OSBPL3: variants seen among roughly 807,000 people sequenced by gnomAD.
OSBPL3 encodes oxysterol binding protein like 3.
OSBPL3 carries 65 observed loss-of-function variants against 120.1 expected under a neutral mutation model. That is an observed-to-expected ratio of 0.54 (90% CI 0.44 to 0.67). The LOEUF is 0.67. OSBPL3 is among the 30% of genes least tolerant of loss of function. The probability of loss-of-function intolerance (pLI) is 0.00; values close to 1 mark genes in which losing one functional copy is unlikely to be tolerated. For synonymous variants in OSBPL3, 416 were observed against 402.6 expected (o/e 1.03, Z -0.40); for missense variants, 1,004 against 1,082.1 (o/e 0.93, Z 1.01).
chr7:24,919,558 C>T (rs932804632), intron 1 of OSBPL3, among the ~76,000 whole-genome samples: 1 of 151,988 alleles, frequency 6.6e-6, no homozygotes, highest in African/African-American at 2.4e-5. Context: ...CTATAAAACT[C>T]TTAGAAGAAA....
At position 24,861,623 on chromosome 7, in the gene OSBPL3, AAT is replaced by A; in HGVS notation, c.1015_1016del (p.Ile339CysfsTer3). 1.3e-6 allele frequency: 2 copies of A among 1,592,304 alleles called. No homozygotes were observed. The highest frequency in any genetic ancestry group is 1.7e-6 in the Non-Finnish European group (2 of 1,171,860). ...AGAAAACTCATTTACCTTTATGGGC[AAT>A]ATGACACAGATCTTCTTGCATTTTA... ...FSKMQEDLCH[I>X]AHKVYFTLRS... On this transcript the variant is annotated frameshift_variant, in exon 10 of 23. Transcript: ENST00000313367. LOFTEE classifies it high-confidence loss of function.
Position 24,873,750 on chromosome 7 carries a change from A to C in OSBPL3, c.97-1681T>G, listed in dbSNP as rs1802483398. ...TATTACTTAAAAACACCAAAAAAAA[A>C]AACTTACTTGAATTTATTTTAGCTC... On this transcript the variant is annotated intron_variant, in intron 2 of 22. Coordinates refer to ENST00000313367, the MANE Select transcript of OSBPL3 (RefSeq NM_015550.4). This position sits in a 1 kb window ranked among gnomAD's most constrained non-coding sequence, Gnocchi z 4.1. Among the ~76,000 whole-genome samples, 1 of 152,236 alleles carries C rather than the reference A, an allele frequency of 6.6e-6. No individual in the cohort carries two copies. Among genetic ancestry groups the C allele is most frequent in the Non-Finnish European group, 1.5e-5 (1 of 68,040 alleles).
chr7:24,897,384 G>A (rs1806319971), intron 1 of OSBPL3, among the ~76,000 whole-genome samples: 1 of 143,736 alleles, frequency 7.0e-6, no homozygotes, highest in Admixed American at 7.0e-5. Flanking sequence ...GGAGTGCAGT[G>A]GCGCGATCTC....
At position 24,804,444 on chromosome 7, in the gene OSBPL3, C is replaced by T; in HGVS notation, c.2445-7G>A. On this transcript the variant is annotated splice_polypyrimidine_tract_variant and splice_region_variant and intron_variant, in intron 21 of 22. Transcript: ENST00000313367. This position sits in a 1 kb window ranked among gnomAD's most constrained non-coding sequence, Gnocchi z 5.4. The stretch of plus-strand genomic sequence containing the variant: ...GTTCCCTTCCTCTAGAAACCTGAGG[C>T]ATCGAGGAAAAAAAAATGAAAGGAT... The T allele has an allele frequency of 2.5e-6, 4 of 1,605,054 alleles. No homozygotes were observed. Among genetic ancestry groups the T allele is most frequent in the East Asian group, 2.2e-5 (1 of 44,808 alleles).
rs1584737510 is a variant in OSBPL3, at chr7:24,959,720, A to G, written c.-150+20166T>C. On this transcript the variant is annotated intron_variant, in intron 1 of 22. Transcript: ENST00000313367. The surrounding 1 kb of genome is among the most constrained non-coding windows in gnomAD (Gnocchi z 4.3). ...GTTCCTAAAATAAATCAATAGGTGA[A>G]ACTTCCAAAAGAAAATATATTCCTT... 6.6e-6 allele frequency among the ~76,000 whole-genome samples: 1 copy of G among 152,314 alleles called. No homozygotes were observed. The highest frequency in any genetic ancestry group is 2.1e-4 in the South Asian group (1 of 4,826).
intron 13 of OSBPL3, 144 bp downstream of exon 13, chr7:24,842,135 G>T: frequency 1.2e-6 from 1 of 811,060 alleles, no homozygotes; most frequent in East Asian, 2.5e-5. Context: ...TTGGGTATGA[G>T]TTATGGGAGA....
chr7:24,901,035 A>AAG (rs1243632331), intron 1 of OSBPL3, among the ~76,000 whole-genome samples: 5 of 149,432 alleles, frequency 3.3e-5, no homozygotes, highest in East Asian at 4.0e-4. Flanking sequence ...AAAAAAAAAA[A>AAG]AGAGAGAGAG....
chr7:24,908,141 G>A (rs1432129016), intron 1 of OSBPL3, among the ~76,000 whole-genome samples: 1 of 152,138 alleles, frequency 6.6e-6, no homozygotes, highest in Admixed American at 6.5e-5. Context: ...GTACCATAGA[G>A]ATGTTATGCC....
chr7:24,961,205 T>C (rs565055241), intron 1 of OSBPL3, among the ~76,000 whole-genome samples: 223 of 152,300 alleles, frequency 1.5e-3, no homozygotes, highest in Non-Finnish European at 2.7e-3. Flanking sequence ...AGGACATCTA[T>C]GTCTTTAATA....
intron 1 of OSBPL3, among the ~76,000 whole-genome samples, chr7:24,942,264 A>T (rs1813190482): frequency 6.6e-6 from 1 of 152,226 alleles, no homozygotes; most frequent in African/African-American, 2.4e-5. Context: ...CTAAATAGTC[A>T]ATCTAAACAT....
chr7:24,804,538 T>C lies in OSBPL3; in HGVS notation c.2445-101A>G. 1 of 1,119,610 alleles carries C rather than the reference T, an allele frequency of 8.9e-7. No individual in the cohort carries two copies. The highest frequency in any genetic ancestry group is 1.3e-6 in the Non-Finnish European group (1 of 775,986). The allele number at this position is 1,119,610 out of a possible 1,614,324, so 69.4% of individuals were successfully genotyped here. A position where few individuals can be genotyped will look rare whatever the true frequency, so the allele number is the denominator to read the frequency against. On this transcript the variant is annotated intron_variant, in intron 21 of 22. Transcript: ENST00000313367. The surrounding 1 kb of genome is among the most constrained non-coding windows in gnomAD (Gnocchi z 5.4). ...TGTGTCCACGACTGGATATTCAAAA[T>C]CCTCTCCTATACGTAAGACCCCGCC...
Position 24,947,778 on chromosome 7 carries a change from TCACACA to T in OSBPL3, c.-150+32102_-150+32107del, listed in dbSNP as rs56135680. 2.1e-3 allele frequency among the ~76,000 whole-genome samples: 306 copies of T among 148,140 alleles called. 1 individual carries two copies. Among genetic ancestry groups the T allele is most frequent in the South Asian group, 9.1e-3 (42 of 4,594 alleles). ...ATGTATACATACATATCCAATTAAA[TCACACA>T]CACACACACACACACACACACACAC... On this transcript the variant is annotated intron_variant, in intron 1 of 22. Transcript: ENST00000313367. This position sits in a 1 kb window ranked among gnomAD's most constrained non-coding sequence, Gnocchi z 4.4.
intron 1 of OSBPL3, among the ~76,000 whole-genome samples, chr7:24,944,826 C>T (rs767780272): frequency 6.6e-6 from 1 of 152,142 alleles, no homozygotes; most frequent in Non-Finnish European, 1.5e-5. Flanking sequence ...TTCTCATTTG[C>T]TTTAATAGTG....
In OSBPL3 at chr7:24,849,116, G is replaced by T. The variant is rs1798811983; in HGVS notation, c.1219C>A (p.Leu407Ile). The change falls in exon 12 of 23, where the codon CTC (leucine) becomes ATC (isoleucine). Residue 407 changes from leucine to isoleucine, a missense_variant. This residue lies in a region of OSBPL3 where 272 missense variants were observed against 248.8 expected (regional missense o/e 1.09). Coordinates refer to ENST00000313367, the MANE Select transcript of OSBPL3 (RefSeq NM_015550.4). This position sits in a 1 kb window ranked among gnomAD's most constrained non-coding sequence, Gnocchi z 5.4. The stretch of plus-strand genomic sequence containing the variant: ...TTGGCGACAGCGGGGGAGTCGAGGA[G>T]CAGAGACTCGGCATGGATTCTGCGT... ...RLRRIHAESL[L>I]LDSPAVAKSG... 2 of 1,614,094 alleles carry T rather than the reference G, an allele frequency of 1.2e-6. No individual in the cohort carries two copies. The highest frequency in any genetic ancestry group is 1.7e-6 in the Non-Finnish European group (2 of 1,179,938).
rs1792511975 is a variant in OSBPL3 at position 24,802,626 on chromosome 7, G to A, written c.2567+1689C>T. The stretch of plus-strand genomic sequence containing the variant: ...AAGGTCATCCTTAATGCCTCATGTT[G>A]GATCGAGTTGGTGAATCTCCTTAAC... On this transcript the variant is annotated intron_variant, in intron 22 of 22. Transcript: ENST00000313367. The surrounding 1 kb of genome is among the most constrained non-coding windows in gnomAD (Gnocchi z 4.1). 1.3e-5 allele frequency among the ~76,000 whole-genome samples: 2 copies of A among 152,156 alleles called. No homozygotes were observed. The highest frequency in any genetic ancestry group is 1.5e-5 in the Non-Finnish European group (1 of 68,018).
At position 24,849,023 on chromosome 7, in the gene OSBPL3, G is replaced by C; in HGVS notation, c.1266+46C>G. The stretch of plus-strand genomic sequence containing the variant: ...CAATGGGACAGATGGTATCACGGGA[G>C]CGGGCGGCAGCTGGGGAGACATTAC... On this transcript the variant is annotated intron_variant, in intron 12 of 22. Transcript: ENST00000313367. The surrounding 1 kb of genome is among the most constrained non-coding windows in gnomAD (Gnocchi z 5.4). 1.5e-6 allele frequency: 2 copies of C among 1,328,548 alleles called. No individual in the cohort carries two copies. Among genetic ancestry groups the C allele is most frequent in the Non-Finnish European group, 2.2e-6 (2 of 924,280 alleles). 82.3% of individuals were successfully genotyped at this position (1,328,548 alleles called of 1,614,324 possible). A position where few individuals can be genotyped will look rare whatever the true frequency, so the allele number is the denominator to read the frequency against.
chr7:24,921,483 T>C (rs1195091683), intron 1 of OSBPL3, among the ~76,000 whole-genome samples: 1 of 152,246 alleles, frequency 6.6e-6, no homozygotes, highest in African/African-American at 2.4e-5. Flanking sequence ...CGTTTGGTCA[T>C]GTGCCCAGGC....
chr7:24,946,624 C>T lies in OSBPL3; in HGVS notation c.-150+33262G>A, dbSNP rs1270423057. On this transcript the variant is annotated intron_variant, in intron 1 of 22. Coordinates refer to ENST00000313367, the MANE Select transcript of OSBPL3 (RefSeq NM_015550.4). This position sits in a 1 kb window ranked among gnomAD's most constrained non-coding sequence, Gnocchi z 4.3. ...AATTATTAGCCTAACAAGAGGGTTACAAAGCTGCTTTTGGACTTTGGACTC... is the reference window on the plus strand; with the variant it reads ...AATTATTAGCCTAACAAGAGGGTTATAAAGCTGCTTTTGGACTTTGGACTC... 2.0e-5 allele frequency among the ~76,000 whole-genome samples: 3 copies of T among 152,176 alleles called. No homozygotes were observed. Among genetic ancestry groups the T allele is most frequent in the Non-Finnish European group, 4.4e-5 (3 of 68,026 alleles).
At position 24,831,027 on chromosome 7, in the gene OSBPL3, G is replaced by C; in HGVS notation, c.1747-122C>G. 3 of 1,027,998 alleles carry C rather than the reference G, an allele frequency of 2.9e-6. No homozygotes were observed. Among genetic ancestry groups the C allele is most frequent in the Non-Finnish European group, 4.0e-6 (3 of 744,676 alleles). The allele number at this position is 1,027,998 out of a possible 1,614,324, so 63.7% of individuals were successfully genotyped here. A position where few individuals can be genotyped will look rare whatever the true frequency, so the allele number is the denominator to read the frequency against. Reference sequence around the variant, plus strand: ...TCAGAAAGCCAAAGATTTGTCTTTGGTTGTTTTTAAACAACATAGGTTTAA... The same window carrying C: ...TCAGAAAGCCAAAGATTTGTCTTTGCTTGTTTTTAAACAACATAGGTTTAA... On this transcript the variant is annotated intron_variant, in intron 15 of 22. Coordinates refer to ENST00000313367, the MANE Select transcript of OSBPL3 (RefSeq NM_015550.4). This position sits in a 1 kb window ranked among gnomAD's most constrained non-coding sequence, Gnocchi z 4.0.
Sources: allele counts gnomAD v4.1 joint callset (sites outside exome capture counted in the v4.1 genomes callset), GRCh38; gene constraint gnomAD v4.1.1; regional missense constraint gnomAD v4.1.1; non-coding constraint Gnocchi (gnomAD v3.1); transcripts MANE v1.5; gene names NCBI Gene and HGNC (gene_info 2026-07-23, HGNC 2026-07-21).